Variants in SMOC2 observed in about 807,000 individuals in gnomAD.
SMOC2 encodes SPARC related modular calcium binding 2.
A neutral mutation model predicts 61.4 loss-of-function variants in SMOC2; 39 were observed. The observed-to-expected ratio is 0.64, with a 90% CI of 0.49 to 0.83. The LOEUF is 0.83. Ranked by LOEUF, SMOC2 falls within the 40% of genes least tolerant of loss-of-function variation. The pLI is 0.00. For missense variants in SMOC2, 556 were observed against 592.9 expected (o/e 0.94, Z 0.65); for synonymous variants, 247 against 239.9 (o/e 1.03, Z -0.27).
At chr6:168,518,636 A>T (rs200542581) in intron 2 of SMOC2, among the ~76,000 whole-genome samples, 2,185 of 147,918 alleles carry the variant, frequency 0.015, 38 homozygotes, top group African/African-American at 0.049. Flanking sequence ...TGCATGTGTG[A>T]GTGTATGCTT....
At position 168,453,759 on chromosome 6, in the gene SMOC2, C is replaced by T. The variant is rs891383645; in HGVS notation, c.84+12305C>T. ...TCTATCTCTGTCTCTCTGTCTCCCT[C>T]TTTCTCTGTCTCTCTGATTCTATCT... On this transcript the variant is annotated intron_variant, in intron 1 of 12. Transcript: ENST00000356284. This position sits in a 1 kb window ranked among gnomAD's most constrained non-coding sequence, Gnocchi z 4.4. Among the ~76,000 whole-genome samples the T allele has an allele frequency of 1.3e-5, 2 of 152,088 alleles. No individual in the cohort carries two copies. Among genetic ancestry groups the T allele is most frequent in the African/African-American group, 4.8e-5 (2 of 41,498 alleles).
intron 1 of SMOC2, among the ~76,000 whole-genome samples, chr6:168,473,726 G>A (rs956468628): frequency 6.6e-6 from 1 of 152,102 alleles, no homozygotes; most frequent in Non-Finnish European, 1.5e-5. Flanking sequence ...ACAGGTCACC[G>A]TAACTGATGA....
chr6:168,539,325 C>T lies in SMOC2; in HGVS notation c.464-4300C>T, dbSNP rs113079103. Among the ~76,000 whole-genome samples the T allele has an allele frequency of 1.4e-3, 216 of 152,346 alleles. 2 individuals carry two copies. The highest frequency in any genetic ancestry group is 4.8e-3 in the African/African-American group (199 of 41,574). On this transcript the variant is annotated intron_variant, in intron 4 of 12. Transcript: ENST00000356284. Reference sequence around the variant, plus strand: ...AGCTGCCACTGACAGAGAATCCCCACGGGGCTGGCCGGCTTTCTTGAACTC... The same window carrying T: ...AGCTGCCACTGACAGAGAATCCCCATGGGGCTGGCCGGCTTTCTTGAACTC...
chr6:168,519,258 T>A (rs1474075693), intron 2 of SMOC2, among the ~76,000 whole-genome samples: 3 of 152,052 alleles, frequency 2.0e-5, no homozygotes, highest in Admixed American at 6.6e-5. Flanking sequence ...TTCATGTGCG[T>A]GCGTGCATGT....
At chr6:168,466,530 C>T (rs1396327395) in intron 1 of SMOC2, among the ~76,000 whole-genome samples, 1 of 152,250 alleles carries the variant, frequency 6.6e-6, no homozygotes, top group Admixed American at 6.5e-5. Context: ...AGGCCACTGC[C>T]TGCTGGATCA....
intron 2 of SMOC2, among the ~76,000 whole-genome samples, chr6:168,510,350 T>C (rs1321579476): frequency 6.6e-6 from 1 of 152,214 alleles, no homozygotes; most frequent in Non-Finnish European, 1.5e-5. Flanking sequence ...TTCCCCAAAG[T>C]CTTCTAAAAT....
At position 168,509,947 on chromosome 6, in the gene SMOC2, T is replaced by C; in HGVS notation, c.117T>C (p.Asp39=). 6.2e-7 allele frequency: 1 copy of C among 1,611,330 alleles called. No homozygotes were observed. The highest frequency in any genetic ancestry group is 8.5e-7 in the Non-Finnish European group (1 of 1,178,036). ...FLRVDQDKDK[D]CSLDCAGSPQ... ...GAGTGGATCAAGATAAAGACAAGGA[T>C]TGTAGCTTGGACTGTGCGGGTTCGC... The change falls in exon 2 of 13, where the codon GAT becomes GAC. Residue 39 remains aspartate (D), a synonymous_variant. Transcript: ENST00000356284.
At chr6:168,490,227 A>T (rs1332656796) in intron 1 of SMOC2, among the ~76,000 whole-genome samples, 2 of 151,630 alleles carry the variant, frequency 1.3e-5, no homozygotes, top group African/African-American at 4.8e-5. Context: ...AGTGAAATAT[A>T]TCGAATTGTC....
At chr6:168,502,987 T>C (rs896490850) in intron 1 of SMOC2, among the ~76,000 whole-genome samples, 133 of 151,690 alleles carry the variant, frequency 8.8e-4, no homozygotes, top group African/African-American at 3.2e-3. Flanking sequence ...AGGATGGTCT[T>C]GATCTCCTGA....
chr6:168,456,435 A>G (rs1462424320), intron 1 of SMOC2, among the ~76,000 whole-genome samples: 1 of 152,132 alleles, frequency 6.6e-6, no homozygotes, highest in East Asian at 1.9e-4. Flanking sequence ...GCAGGCCACA[A>G]AGAGAAACCT....
chr6:168,506,769 G>A (rs1245203228), intron 1 of SMOC2, among the ~76,000 whole-genome samples: 1 of 152,168 alleles, frequency 6.6e-6, no homozygotes, highest in East Asian at 1.9e-4. Flanking sequence ...AAAGTCACTC[G>A]ATGTCCAGTT....
intron 1 of SMOC2, among the ~76,000 whole-genome samples, chr6:168,506,128 C>T (rs1351048659): frequency 1.3e-5 from 2 of 152,140 alleles, no homozygotes; most frequent in African/African-American, 4.8e-5. Flanking sequence ...CCACCTCAGC[C>T]TCCTAAGTAG....
At chr6:168,641,145 G>A (rs531077333) in intron 9 of SMOC2, among the ~76,000 whole-genome samples, 1 of 152,210 alleles carries the variant, frequency 6.6e-6, no homozygotes, top group African/African-American at 2.4e-5. Context: ...AATCAGGAAG[G>A]CTTTGACACC....
At chr6:168,652,913 C>T (rs1787231139) in intron 10 of SMOC2, 41 bp from the exon 11 acceptor site, 1 of 1,596,118 alleles carries the variant, frequency 6.3e-7, no homozygotes, top group African/African-American at 1.3e-5. Flanking sequence ...AGGAGCAGCC[C>T]AGGGGTTTAA....
At chr6:168,647,917 T>C (rs1336854860) in intron 9 of SMOC2, among the ~76,000 whole-genome samples, 2 of 152,220 alleles carry the variant, frequency 1.3e-5, no homozygotes, top group Non-Finnish European at 1.5e-5. Context: ...AAGTACATAA[T>C]GCTTTTTATG....
intron 2 of SMOC2, among the ~76,000 whole-genome samples, chr6:168,517,563 C>A (rs528467995): frequency 1.3e-5 from 2 of 152,242 alleles, no homozygotes; most frequent in Non-Finnish European, 2.9e-5. Context: ...TGAGGCCAGG[C>A]GCTGCCTAAG....
intron 9 of SMOC2, among the ~76,000 whole-genome samples, chr6:168,618,791 G>T (rs1182430363): frequency 6.6e-6 from 1 of 152,166 alleles, no homozygotes; most frequent in African/African-American, 2.4e-5. Context: ...ATCGTCTCCT[G>T]CAGGGACTAT....
intron 7 of SMOC2, among the ~76,000 whole-genome samples, chr6:168,573,573 A>G (rs1387660678): frequency 6.6e-6 from 1 of 152,116 alleles, no homozygotes; most frequent in Non-Finnish European, 1.5e-5. Context: ...AGGCTGGAGT[A>G]GCCTCTGCCC....
rs1284616197 is a variant in SMOC2, at chr6:168,535,074, G to A, written c.463+7347G>A. ...CAACCTCCGCCTCCGGGGTTCAAGC[G>A]ATTCTCCTGCCTCTGCCTCCGGAGT... On this transcript the variant is annotated intron_variant, in intron 4 of 12. Coordinates refer to ENST00000356284, the MANE Select transcript of SMOC2 (RefSeq NM_001166412.2). The surrounding 1 kb of genome is among the most constrained non-coding windows in gnomAD (Gnocchi z 4.6). Among the ~76,000 whole-genome samples, 1 of 152,032 alleles carries A rather than the reference G, an allele frequency of 6.6e-6. No individual in the cohort carries two copies. The highest frequency in any genetic ancestry group is 2.4e-5 in the African/African-American group (1 of 41,404).
Sources: allele counts gnomAD v4.1 joint callset (sites outside exome capture counted in the v4.1 genomes callset), GRCh38; gene constraint gnomAD v4.1.1; non-coding constraint Gnocchi (gnomAD v3.1); transcripts MANE v1.5; gene names NCBI Gene and HGNC (gene_info 2026-07-23, HGNC 2026-07-21).